The following SLC24A1 variants were observed in gnomAD, a reference collection of about 807,000 sequenced individuals.
SLC24A1 encodes solute carrier family 24 member 1, also known as sodium/potassium/calcium exchanger 1.
A neutral mutation model predicts 88.1 loss-of-function variants in SLC24A1; 52 were observed. The observed-to-expected ratio is 0.59, with a 90% CI of 0.47 to 0.74. The LOEUF (loss-of-function observed/expected upper bound fraction) is 0.74. Ranked by LOEUF, SLC24A1 falls within the 30% of genes least tolerant of loss-of-function variation. SLC24A1 has a pLI of 0.00. For synonymous variants in SLC24A1, 455 were observed against 498.0 expected, an observed-to-expected ratio of 0.91 and a Z score of 1.15; for missense variants, 1,173 against 1,363.3, an observed-to-expected ratio of 0.86 and a Z score of 2.20.
intron 6 of SLC24A1, among the ~76,000 whole-genome samples, chr15:65,646,784 A>AAT (rs1018522585): frequency 1.3e-5 from 2 of 152,152 alleles, no homozygotes; most frequent in African/African-American, 4.8e-5. Flanking sequence ...CTCTCCATTC[A>AAT]ATACCCAGAA....
intron 6 of SLC24A1, among the ~76,000 whole-genome samples, chr15:65,649,011 T>C (rs1259229325): frequency 6.6e-6 from 1 of 152,252 alleles, no homozygotes; most frequent in East Asian, 1.9e-4. Context: ...GTGGATGTTT[T>C]AGGAACAGCT....
chr15:65,639,731 G>A, intron 4 of SLC24A1, 28 bp downstream of exon 4: 1 of 1,482,518 alleles, frequency 6.7e-7, no homozygotes, highest in Non-Finnish European at 9.3e-7. Context: ...AGACCTTTGT[G>A]GTTTGCCCCA....
intron 2 of SLC24A1, among the ~76,000 whole-genome samples, chr15:65,637,614 T>G (rs1164214523): frequency 6.6e-6 from 1 of 152,230 alleles, no homozygotes; most frequent in Non-Finnish European, 1.5e-5. Flanking sequence ...AGTGTTCTCA[T>G]GCTGGCCACA....
Position 65,625,818 on chromosome 15 carries a change from C to T in SLC24A1, c.1738C>T (p.Leu580Phe). The change falls in exon 2 of 10, where the codon CTC becomes TTC. Residue 580 changes from leucine to phenylalanine, a missense_variant. Coordinates refer to ENST00000261892, the MANE Select transcript of SLC24A1 (RefSeq NM_004727.3). ...GCTCATCCTCTTCTTCCTGGACAGC[C>T]TCATTGCCTGGTGGGAGAGCCTGCT... ...IMLILFFLDS[L>F]IAWWESLLLL... 6.2e-7 allele frequency: 1 copy of T among 1,614,062 alleles called. No individual in the cohort carries two copies. Among genetic ancestry groups the T allele is most frequent in the Non-Finnish European group, 8.5e-7 (1 of 1,179,912 alleles).
intron 4 of SLC24A1, among the ~76,000 whole-genome samples, chr15:65,640,842 T>C (rs1260919857): frequency 6.6e-6 from 1 of 151,558 alleles, no homozygotes; most frequent in African/African-American, 2.4e-5. Flanking sequence ...GTGGATTGCC[T>C]GAGCTCAGGA....
chr15:65,624,045 T>C lies in SLC24A1; in HGVS notation c.-36T>C, dbSNP rs748745134. The C allele has an allele frequency of 8.6e-6, 13 of 1,505,294 alleles. No individual in the cohort carries two copies. 93.2% of individuals were successfully genotyped at this position (1,505,294 alleles called of 1,614,324 possible). Reference sequence around the variant, plus strand: ...GAGTAGCCTCCATCTTAGGACAGAATGAGAGGCCTTCTGTAACCAGATATA... The same window carrying C: ...GAGTAGCCTCCATCTTAGGACAGAACGAGAGGCCTTCTGTAACCAGATATA... On this transcript the variant is annotated 5_prime_UTR_variant, in exon 2 of 10. The change abolishes an upstream ATG in the 5' untranslated region. Transcript: ENST00000261892.
At chr15:65,660,145 A>G (rs1018664305), downstream of SLC24A1, 4 of 617,850 alleles carry the variant, frequency 6.5e-6, no homozygotes, top group Admixed American at 5.5e-5. Flanking sequence ...CTGAATAGTA[A>G]AGAATAATAT....
chr15:65,650,736 G>A lies in SLC24A1; in HGVS notation c.2587G>A (p.Glu863Lys), dbSNP rs1482836327. The change falls in exon 7 of 10, where the codon GAA becomes AAA. Residue 863 changes from glutamate to lysine, a missense_variant. Physicochemically the swap from Glu to Lys is moderately conservative, Grantham distance 56 (BLOSUM62 1). Coordinates refer to ENST00000261892, the MANE Select transcript of SLC24A1 (RefSeq NM_004727.3). The surrounding 1 kb of genome is among the most constrained non-coding windows in gnomAD (Gnocchi z 4.1). ...TGATGGAGGGGATAGCGAAGAGGAG[G>A]AAGAGGAGGAGGAAGAGCAGGAGGA... ...GSDGGDSEEE[E>K]EEEEEQEEEE... The A allele has an allele frequency of 4.4e-6, 7 of 1,588,978 alleles. No homozygotes were observed. The Admixed American group carries it at 1.1e-4, about 25-fold the overall frequency.
At chr15:65,652,427 C>T in intron 8 of SLC24A1, 1 of 494,932 alleles carries the variant, frequency 2.0e-6, no homozygotes, top group South Asian at 3.2e-5. Flanking sequence ...AAAAGAAGAG[C>T]AACATGGTCC....
In SLC24A1 at chr15:65,652,836, G is replaced by A. The variant is rs548494886; in HGVS notation, c.3050+28G>A. 4 of 1,554,914 alleles carry A rather than the reference G, an allele frequency of 2.6e-6. No homozygotes were observed. The South Asian group carries it at 3.6e-5, about 14-fold the overall frequency. On this transcript the variant is annotated intron_variant, in intron 9 of 9. Coordinates refer to ENST00000261892, the MANE Select transcript of SLC24A1 (RefSeq NM_004727.3). ...GAGTGGCAATGTAACTTTCTAAGGG[G>A]TGTTAAGTATGACTGGAAAACACTG...
chr15:65,654,948 G>A lies in SLC24A1; in HGVS notation c.*869G>A. The A allele has an allele frequency of 9.9e-7, 1 of 1,014,182 alleles. No homozygotes were observed. Among genetic ancestry groups the A allele is most frequent in the Non-Finnish European group, 1.2e-6 (1 of 846,658 alleles). The allele number at this position is 1,014,182 out of a possible 1,614,324, so 62.8% of individuals were successfully genotyped here. ...GAGGACTACATTAACTCTTATTGTT[G>A]TGTTTCTGAAAAGTGAAATTTAAAA... On this transcript the variant is annotated 3_prime_UTR_variant, in exon 10 of 10. Transcript: ENST00000261892.
chr15:65,653,880 T>A lies in SLC24A1; in HGVS notation c.3101T>A (p.Val1034Asp), dbSNP rs2075591792. ...LFSLINGLQP[V>D]PVSSNGLFCA... ...TCTCTTATCAATGGATTACAGCCAG[T>A]TCCAGTCAGCAGCAATGGCTTGTTT... The change falls in exon 10 of 10, where the codon GTT becomes GAT. Residue 1034 changes from valine to aspartate, a missense_variant. Coordinates refer to ENST00000261892, the MANE Select transcript of SLC24A1 (RefSeq NM_004727.3). 1.2e-6 allele frequency: 2 copies of A among 1,613,988 alleles called. No individual in the cohort carries two copies. Among genetic ancestry groups the A allele is most frequent in the Non-Finnish European group, 1.7e-6 (2 of 1,179,846 alleles).
chr15:65,635,446 CAAAAAAAAAAA>C (rs56960432), intron 2 of SLC24A1, among the ~76,000 whole-genome samples: 2 of 58,352 alleles, frequency 3.4e-5, no homozygotes, highest in Admixed American at 2.6e-4. Flanking sequence ...ACTCCGTCTC[CAAAAAAAAAAA>C]AAAAAAAAAA....
chr15:65,633,513 A>G (rs1242174678), intron 2 of SLC24A1, among the ~76,000 whole-genome samples: 2 of 152,094 alleles, frequency 1.3e-5, no homozygotes, highest in African/African-American at 4.8e-5. Flanking sequence ...TACAAAAATT[A>G]GCCGGATGTG....
rs1458302686 is a variant in SLC24A1, at chr15:65,650,959, G to A, written c.2793+17G>A. On this transcript the variant is annotated intron_variant, in intron 7 of 9. Transcript: ENST00000261892. The surrounding 1 kb of genome is among the most constrained non-coding windows in gnomAD (Gnocchi z 4.1). ...CGAAGGCAGGTGAGTGTGCCCATCT[G>A]TATCTCAGACTCTTTATCCCCAGCA... 1 of 1,609,216 alleles carries A rather than the reference G, an allele frequency of 6.2e-7. No individual in the cohort carries two copies. Among genetic ancestry groups the A allele is most frequent in the African/African-American group, 1.3e-5 (1 of 74,944 alleles).
intron 2 of SLC24A1, among the ~76,000 whole-genome samples, chr15:65,633,847 GT>G (rs1196645321): frequency 6.6e-6 from 1 of 152,166 alleles, no homozygotes; most frequent in African/African-American, 2.4e-5. Flanking sequence ...CCCCCAGTGT[GT>G]TGGGAGGGAC....
In SLC24A1 at chr15:65,625,143, T is replaced by C; in HGVS notation, c.1063T>C (p.Ser355Pro). Residue 355 changes from serine to proline, a missense_variant, in exon 2 of 10, where the codon TCA becomes CCA. By Grantham distance (74) the Ser-to-Pro change is moderately conservative (BLOSUM62 -1). Transcript: ENST00000261892. ...LRNPSPRTSV[S>P]AIKTAPAIVW... ...GAATCCTTCACCCAGGACCAGTGTA[T>C]CAGCCATCAAAACAGCCCCAGCCAT... 1 of 1,613,682 alleles carries C rather than the reference T, an allele frequency of 6.2e-7. No homozygotes were observed. Among genetic ancestry groups the C allele is most frequent in the Non-Finnish European group, 8.5e-7 (1 of 1,179,872 alleles).
At chr15:65,652,382 C>T (rs142244418) in intron 8 of SLC24A1, 29 of 379,054 alleles carry the variant, frequency 7.7e-5, no homozygotes, top group Admixed American at 2.9e-4. Context: ...CAGTGAGCAG[C>T]AGATCTGGTG....
Position 65,655,034 on chromosome 15 carries a change from G to C in SLC24A1, c.*955G>C. On this transcript the variant is annotated 3_prime_UTR_variant, in exon 10 of 10. Coordinates refer to ENST00000261892, the MANE Select transcript of SLC24A1 (RefSeq NM_004727.3). ...TGAATTGGAAGGAATGGAGATTAGG[G>C]AAGGAAAACTACTCTAGAGGCCATT... The C allele has an allele frequency of 9.6e-7, 1 of 1,043,498 alleles. No homozygotes were observed. Among genetic ancestry groups the C allele is most frequent in the Non-Finnish European group, 1.2e-6 (1 of 864,318 alleles). 64.6% of individuals were successfully genotyped at this position (1,043,498 alleles called of 1,614,324 possible).
Sources: allele counts gnomAD v4.1 joint callset (sites outside exome capture counted in the v4.1 genomes callset), GRCh38; gene constraint gnomAD v4.1.1; non-coding constraint Gnocchi (gnomAD v3.1); transcripts MANE v1.5; gene names NCBI Gene and HGNC (gene_info 2026-07-23, HGNC 2026-07-21).